Variants in EYA2 observed in about 807,000 individuals in gnomAD.
The protein encoded by EYA2 is protein phosphatase EYA2.
Under a neutral mutation model 69.2 loss-of-function variants are expected in EYA2, and 31 were observed. The ratio of observed to expected loss-of-function variants is 0.45; its 90% confidence interval spans 0.34 to 0.60. The LOEUF (loss-of-function observed/expected upper bound fraction) is 0.60. Among genes scored for constraint, EYA2 ranks in the 20% least tolerant of loss-of-function variants. The pLI, the probability that EYA2 is intolerant of heterozygous loss-of-function variation, is 0.02. For synonymous variants in EYA2, 257 were observed against 279.4 expected, an observed-to-expected ratio of 0.92 and a Z score of 0.80; for missense variants, 622 against 701.2, an observed-to-expected ratio of 0.89 and a Z score of 1.28.
intron 3 of EYA2, 42 bp from the exon 4 acceptor site, chr20:47,004,900 C>T: frequency 6.2e-7 from 1 of 1,613,994 alleles, no homozygotes; most frequent in South Asian, 1.1e-5. Context: ...GAAGGGGTGC[C>T]AGACTGGGCC....
chr20:47,156,089 TACACACACACACACAC>T (rs748282079), intron 10 of EYA2, among the ~76,000 whole-genome samples: 5 of 30,974 alleles, frequency 1.6e-4, no homozygotes, highest in African/African-American at 4.1e-4. Context: ...TATATATACA[TACACACACACACACAC>T]ACACACACAC....
intron 3 of EYA2, 159 bp from the exon 4 acceptor site, chr20:47,004,783 C>A: frequency 1.0e-6 from 1 of 968,006 alleles, no homozygotes; most frequent in Non-Finnish European, 1.6e-6. Flanking sequence ...TCCTGCTTCC[C>A]AGGCAGAGGA....
intron 1 of EYA2, among the ~76,000 whole-genome samples, chr20:46,951,460 C>T (rs553067506): frequency 1.3e-5 from 2 of 152,236 alleles, no homozygotes; most frequent in South Asian, 2.1e-4. Context: ...TGGGTTCTAC[C>T]CTCTGCAACT....
chr20:46,899,503 C>G (rs1983985249), intron 1 of EYA2, among the ~76,000 whole-genome samples: 1 of 152,110 alleles, frequency 6.6e-6, no homozygotes, highest in Non-Finnish European at 1.5e-5. Context: ...ATTTCAGGTC[C>G]TAAAAAGAGT....
intron 9 of EYA2, among the ~76,000 whole-genome samples, chr20:47,118,815 C>G (rs1429799264): frequency 6.6e-6 from 1 of 152,178 alleles, no homozygotes; most frequent in African/African-American, 2.4e-5. Context: ...TTTCCGCCCA[C>G]AGATTTAACA....
rs117643267 is a variant in EYA2, at chr20:47,053,969, G to A, written c.416-18216G>A. On this transcript the variant is annotated intron_variant, in intron 5 of 15. Transcript: ENST00000327619. Reference sequence around the variant, plus strand: ...TCGGAACCTTACTGAGTGACCTTGGGCCTCAGTTTCCCCATTTGTAAAATG... The same window carrying A: ...TCGGAACCTTACTGAGTGACCTTGGACCTCAGTTTCCCCATTTGTAAAATG... 5.5e-4 allele frequency among the ~76,000 whole-genome samples: 84 copies of A among 152,044 alleles called. 1 individual carries two copies. The East Asian group carries it at 0.016, about 29-fold the overall frequency.
At chr20:46,967,725 G>T (rs1979875613) in intron 1 of EYA2, among the ~76,000 whole-genome samples, 1 of 152,206 alleles carries the variant, frequency 6.6e-6, no homozygotes, top group Admixed American at 6.5e-5. Context: ...GCCAGGCCAT[G>T]TGAAGCAGCT....
chr20:46,936,374 C>T (rs765709387), intron 1 of EYA2, among the ~76,000 whole-genome samples: 5 of 152,080 alleles, frequency 3.3e-5, no homozygotes, highest in African/African-American at 4.8e-5. Flanking sequence ...GGAAGGCTGA[C>T]GCAGGAAAAT....
chr20:46,994,965 A>G (rs60792734), intron 2 of EYA2, among the ~76,000 whole-genome samples: 6,203 of 151,704 alleles, frequency 0.041, 421 homozygotes, highest in African/African-American at 0.14. Flanking sequence ...CAGTGGCACG[A>G]TCTCGGCTCA....
intron 9 of EYA2, among the ~76,000 whole-genome samples, chr20:47,132,818 C>G (rs1239944766): frequency 6.6e-6 from 1 of 152,192 alleles, no homozygotes; most frequent in Non-Finnish European, 1.5e-5. Flanking sequence ...ATAACCCAGG[C>G]CCTTCCATGG....
At chr20:47,144,684 A>T (rs1005615206) in intron 10 of EYA2, among the ~76,000 whole-genome samples, 2 of 152,208 alleles carry the variant, frequency 1.3e-5, no homozygotes, top group Non-Finnish European at 2.9e-5. Flanking sequence ...CACATCTATA[A>T]AATGGAATTG....
chr20:46,966,536 C>A (rs946995972), intron 1 of EYA2, among the ~76,000 whole-genome samples: 1 of 151,746 alleles, frequency 6.6e-6, no homozygotes. Flanking sequence ...AGGCCTGGCG[C>A]GGTGGCTCAC....
chr20:46,971,799 G>A (rs1218081824), intron 1 of EYA2, among the ~76,000 whole-genome samples: 3 of 152,194 alleles, frequency 2.0e-5, no homozygotes, highest in Non-Finnish European at 4.4e-5. Flanking sequence ...GATAAGTGGT[G>A]CATGCATGAT....
intron 1 of EYA2, among the ~76,000 whole-genome samples, chr20:46,904,528 G>C (rs1484025331): frequency 6.6e-6 from 1 of 152,092 alleles, no homozygotes; most frequent in Admixed American, 6.5e-5. Context: ...GATTGAACTT[G>C]AGACTTCAAC....
chr20:47,094,193 G>A (rs1489484658), intron 8 of EYA2, among the ~76,000 whole-genome samples: 3 of 152,098 alleles, frequency 2.0e-5, no homozygotes, highest in Admixed American at 2.0e-4. Context: ...ATAAAGTAAG[G>A]GAGCCTGCAC....
intron 12 of EYA2, among the ~76,000 whole-genome samples, chr20:47,179,428 G>A (rs1016749837): frequency 1.6e-5 from 2 of 122,576 alleles, no homozygotes; most frequent in Non-Finnish European, 3.6e-5. Context: ...GGATGGATGG[G>A]TGGATAGGTG....
chr20:47,182,937 G>A (rs756304837), intron 14 of EYA2, among the ~76,000 whole-genome samples: 1 of 152,054 alleles, frequency 6.6e-6, no homozygotes, highest in African/African-American at 2.4e-5. Flanking sequence ...ACTGTGTCTC[G>A]AAACAAAAGT....
chr20:46,996,606 A>G (rs1412884656), intron 2 of EYA2, among the ~76,000 whole-genome samples: 2 of 152,168 alleles, frequency 1.3e-5, no homozygotes, highest in African/African-American at 4.8e-5. Context: ...TTTGTCATCC[A>G]TCTCACTCAC....
At chr20:47,115,871 T>C (rs2032876620) in intron 9 of EYA2, among the ~76,000 whole-genome samples, 1 of 152,156 alleles carries the variant, frequency 6.6e-6, no homozygotes, top group Admixed American at 6.5e-5. Context: ...TTGCCAACTT[T>C]CACCTTGATC....
Sources: allele counts gnomAD v4.1 joint callset (sites outside exome capture counted in the v4.1 genomes callset), GRCh38; gene constraint gnomAD v4.1.1; transcripts MANE v1.5; gene names NCBI Gene and HGNC (gene_info 2026-07-23, HGNC 2026-07-21).